MDN1: variants seen among roughly 807,000 people sequenced by gnomAD.
MDN1 encodes the protein midasin.
A neutral mutation model predicts 669.2 loss-of-function variants in MDN1; 266 were observed. The observed-to-expected ratio is 0.40, with a 90% CI of 0.36 to 0.44. The LOEUF is 0.44. MDN1 is among the 20% of genes least tolerant of loss of function. MDN1 has a pLI of 1.00. For missense variants in MDN1, 5,940 were observed against 6,754.0 expected (o/e 0.88, Z 4.22); for synonymous variants, 2,385 against 2,457.1 (o/e 0.97, Z 0.87).
intron 1 of MDN1, among the ~76,000 whole-genome samples, chr6:89,809,122 C>T (rs1013546274): frequency 6.2e-5 from 9 of 145,510 alleles, no homozygotes; most frequent in East Asian, 4.2e-4. Context: ...GAGGCTGAGG[C>T]GGCAGAAGCA....
intron 88 of MDN1, among the ~76,000 whole-genome samples, chr6:89,659,756 A>G (rs1171523037): frequency 6.6e-6 from 1 of 152,254 alleles, no homozygotes; most frequent in East Asian, 1.9e-4. Flanking sequence ...TCATGATCAT[A>G]TACAGAAAAT....
Position 89,749,315 on chromosome 6 carries a change from G to A in MDN1, c.3670C>T (p.Pro1224Ser). ...RFVELHFDEL[P>S]SSELETILHK... ...AAGATTGTTTCCAACTCGGAGCTAG[G>A]TAACTCATCAAAGTGCAATTCCACA... The change falls in exon 26 of 102, where the codon CCT becomes TCT. Residue 1224 changes from proline (P) to serine (S), a missense_variant. This residue lies in a region of MDN1 where 2,292 missense variants were observed against 2,638.3 expected (regional missense o/e 0.87). Coordinates refer to ENST00000369393, the MANE Select transcript of MDN1 (RefSeq NM_014611.3). The A allele has an allele frequency of 6.2e-7, 1 of 1,614,104 alleles. No homozygotes were observed. The highest frequency in any genetic ancestry group is 8.5e-7 in the Non-Finnish European group (1 of 1,179,994).
chr6:89,655,660 C>T, intron 92 of MDN1, 104 bp downstream of exon 92: 1 of 1,117,690 alleles, frequency 8.9e-7, no homozygotes, highest in Non-Finnish European at 1.3e-6. Flanking sequence ...GTATCAAAAC[C>T]TCACACTGTA....
In MDN1 at chr6:89,689,645, T is replaced by A. The variant is rs538288552; in HGVS notation, c.11023+225A>T. Among the ~76,000 whole-genome samples, 9 of 152,298 alleles carry A rather than the reference T, an allele frequency of 5.9e-5. No homozygotes were observed. In the East Asian group the frequency reaches 1.7e-3, roughly 29 times the overall value. ...CCCCAAAGGATCCAAACAATAAAAA[T>A]CCATCTTTTTCTTGGCCCATTTGTA... is the stretch of plus-strand genomic sequence containing the variant. On this transcript the variant is annotated intron_variant, in intron 65 of 101. Transcript: ENST00000369393.
intron 40 of MDN1, among the ~76,000 whole-genome samples, chr6:89,720,765 A>C (rs371235294): frequency 5.3e-5 from 8 of 152,328 alleles, no homozygotes; most frequent in Admixed American, 3.3e-4. Flanking sequence ...CTTTCTCCTA[A>C]TCAAATGATT....
rs772359982 is a variant in MDN1, at chr6:89,725,196, T to C, written c.5670+3A>G. On this transcript the variant is annotated splice_donor_region_variant and intron_variant, in intron 38 of 101. Transcript: ENST00000369393. Reference sequence around the variant, plus strand: ...TGGTCTCTATGGCAACAGCAAATCTTACCTGAGTGAATCTGTTAAGGAAAG... The same window carrying C: ...TGGTCTCTATGGCAACAGCAAATCTCACCTGAGTGAATCTGTTAAGGAAAG... 3.7e-6 allele frequency: 6 copies of C among 1,613,724 alleles called. No individual in the cohort carries two copies. In the Admixed American group the frequency reaches 1.0e-4, roughly 27 times the overall value.
rs1445384670 is a variant in MDN1 at position 89,692,542 on chromosome 6, C to T, written c.10488G>A (p.Glu3496=). The T allele has an allele frequency of 6.2e-7, 1 of 1,614,136 alleles. No individual in the cohort carries two copies. Among genetic ancestry groups the T allele is most frequent in the Non-Finnish European group, 8.5e-7 (1 of 1,180,046 alleles). ...AAAGGAGAGCATTCATCAGCAGCTG[C>T]TCCCGAGTGGGACAGGCTTTCTGGC... is the stretch of plus-strand genomic sequence containing the variant. The part of the protein sequence containing the change: ...GKGQKACPTR[E]QLLMNALLYL... Residue 3496 remains glutamate, a synonymous_variant, in exon 63 of 102, where the codon GAG becomes GAA. Coordinates refer to ENST00000369393, the MANE Select transcript of MDN1 (RefSeq NM_014611.3).
At chr6:89,801,016 T>C (rs1241343992) in intron 2 of MDN1, among the ~76,000 whole-genome samples, 6 of 152,250 alleles carry the variant, frequency 3.9e-5, no homozygotes, top group African/African-American at 1.2e-4. Flanking sequence ...GATACTTCTG[T>C]GTATTGCAGA....
chr6:89,781,873 T>A (rs1359903621), intron 9 of MDN1, among the ~76,000 whole-genome samples: 1 of 152,116 alleles, frequency 6.6e-6, no homozygotes, highest in African/African-American at 2.4e-5. Flanking sequence ...TAGTCCCAGG[T>A]ACTCAGCAGG....
chr6:89,803,958 G>A (rs1767853048), intron 1 of MDN1, among the ~76,000 whole-genome samples: 2 of 136,982 alleles, frequency 1.5e-5, no homozygotes, highest in Admixed American at 8.0e-5. Context: ...CTGGAGTGCA[G>A]TGGCACGATT....
chr6:89,708,626 C>T lies in MDN1; in HGVS notation c.7768G>A (p.Glu2590Lys). 6.2e-7 allele frequency: 1 copy of T among 1,612,788 alleles called. No individual in the cohort carries two copies. The highest frequency in any genetic ancestry group is 8.5e-7 in the Non-Finnish European group (1 of 1,179,592). The change falls in exon 51 of 102, where the codon GAA (glutamate) becomes AAA (lysine). Residue 2590 changes from glutamate to lysine, a missense_variant and splice_region_variant. Glu to Lys is a moderately conservative substitution (Grantham distance 56). Coordinates refer to ENST00000369393, the MANE Select transcript of MDN1 (RefSeq NM_014611.3). ...FKILQPNTTD[E>K]FVIPLDPRWN... ...CGGGGATCCAGAGGGATCACAAATT[C>T]ATCTAGTTTAAAAACAGAACAAAAC...
chr6:89,748,012 G>A (rs1196788019), intron 26 of MDN1, among the ~76,000 whole-genome samples: 1 of 151,156 alleles, frequency 6.6e-6, no homozygotes, highest in Non-Finnish European at 1.5e-5. Context: ...CATTTCTTAT[G>A]CCACATAGAA....
At chr6:89,649,154 AC>A (rs1808684434) in intron 97 of MDN1, among the ~76,000 whole-genome samples, 1 of 152,212 alleles carries the variant, frequency 6.6e-6, no homozygotes. Context: ...AGACTGTAGA[AC>A]TATATCAGAA....
Position 89,729,045 on chromosome 6 carries a change from C to A in MDN1, c.5235G>T (p.Leu1745=). The change falls in exon 36 of 102, where the codon CTG becomes CTT. Residue 1745 remains leucine (L), a synonymous_variant. Coordinates refer to ENST00000369393, the MANE Select transcript of MDN1 (RefSeq NM_014611.3). The part of the protein sequence containing the change: ...NAQRLLRATK[L]KKPILLEGSP... ...AACCCTCCAGGAGAATGGGCTTCTT[C>A]AGTTTGGTAGCTCTTAAGAGCCTCT... The A allele has an allele frequency of 6.2e-7, 1 of 1,614,118 alleles. No homozygotes were observed.
In MDN1 at chr6:89,738,408, T is replaced by C. The variant is rs781146259; in HGVS notation, c.4641A>G (p.Gln1547=). The C allele has an allele frequency of 1.3e-5, 21 of 1,614,038 alleles. No homozygotes were observed. Among genetic ancestry groups the C allele is most frequent in the Middle Eastern group, 1.6e-4 (1 of 6,084 alleles). ...RNRFTEIWCP[Q]STSREDLIQI... ...GAATTAAATCTTCACGGCTTGTGCT[T>C]TGAGGGCACCATATTTCTGTAAACC... Residue 1547 remains glutamine, a synonymous_variant, in exon 33 of 102, where the codon CAA becomes CAG. Coordinates refer to ENST00000369393, the MANE Select transcript of MDN1 (RefSeq NM_014611.3).
intron 35 of MDN1, 126 bp downstream of exon 35, chr6:89,730,600 T>G: frequency 1.4e-6 from 1 of 732,278 alleles, no homozygotes; most frequent in Non-Finnish European, 2.2e-6. Flanking sequence ...TATTCTCAAG[T>G]CAGAATCTAA....
chr6:89,703,839 C>G (rs935246789), intron 53 of MDN1, among the ~76,000 whole-genome samples: 7 of 151,928 alleles, frequency 4.6e-5, no homozygotes, highest in Admixed American at 1.3e-4. Context: ...TGGTGAAACC[C>G]TATCTCCACT....
chr6:89,711,733 C>T (rs1179348503), intron 49 of MDN1, among the ~76,000 whole-genome samples: 4 of 152,110 alleles, frequency 2.6e-5, no homozygotes, highest in African/African-American at 9.7e-5. Flanking sequence ...TAGTACAGCA[C>T]AAAAAGCAGA....
chr6:89,685,720 T>G (rs1811959073), intron 70 of MDN1, 107 bp downstream of exon 70: 2 of 1,199,398 alleles, frequency 1.7e-6, no homozygotes, highest in East Asian at 4.9e-5. Flanking sequence ...TAAATGTGTC[T>G]TGTTTAAAAC....
Sources: allele counts gnomAD v4.1 joint callset (sites outside exome capture counted in the v4.1 genomes callset), GRCh38; gene constraint gnomAD v4.1.1; regional missense constraint gnomAD v4.1.1; transcripts MANE v1.5; gene names NCBI Gene and HGNC (gene_info 2026-07-23, HGNC 2026-07-21).